SULT2B1: variants seen among roughly 807,000 people sequenced by gnomAD.
SULT2B1 encodes sulfotransferase family 2B member 1, also known as sulfotransferase 2B1.
SULT2B1 carries 16 observed loss-of-function variants against 33.2 expected under a neutral mutation model. That is an observed-to-expected ratio of 0.48 (90% CI 0.33 to 0.73). The LOEUF (loss-of-function observed/expected upper bound fraction) is 0.73, where lower values mean the gene tolerates loss of function less well. Among genes scored for constraint, SULT2B1 ranks in the 30% least tolerant of loss-of-function variants. The probability of loss-of-function intolerance (pLI) is 0.02; values close to 1 mark genes in which losing one functional copy is unlikely to be tolerated. For missense variants in SULT2B1, 500 were observed against 506.0 expected, an observed-to-expected ratio of 0.99 and a Z score of 0.11; for synonymous variants, 186 against 200.5, an observed-to-expected ratio of 0.93 and a Z score of 0.61.
intron 2 of SULT2B1, among the ~76,000 whole-genome samples, chr19:48,581,014 C>T (rs1973478599): frequency 6.8e-6 from 1 of 147,288 alleles, no homozygotes; most frequent in South Asian, 2.1e-4. Flanking sequence ...TGCTCATTAG[C>T]CATCATATAT....
chr19:48,582,728 A>G (rs1973508696), intron 2 of SULT2B1, among the ~76,000 whole-genome samples: 1 of 152,104 alleles, frequency 6.6e-6, no homozygotes. Flanking sequence ...CTGTGGTCCC[A>G]ACTACTCGGA....
At chr19:48,588,507 C>T (rs147249426) in intron 3 of SULT2B1, among the ~76,000 whole-genome samples, 1,633 of 146,906 alleles carry the variant, frequency 0.011, 28 homozygotes, top group African/African-American at 0.04. Flanking sequence ...AGCAAAACTC[C>T]GTCTCAAAAA....
At chr19:48,588,108 G>T (rs986464433) in intron 3 of SULT2B1, among the ~76,000 whole-genome samples, 1 of 151,388 alleles carries the variant, frequency 6.6e-6, no homozygotes, top group Non-Finnish European at 1.5e-5. Context: ...TACTCAGGAG[G>T]CTAAGGCAGG....
At chr19:48,571,287 C>T (rs1198768571) in intron 1 of SULT2B1, among the ~76,000 whole-genome samples, 1 of 151,878 alleles carries the variant, frequency 6.6e-6, no homozygotes, top group East Asian at 1.9e-4. Flanking sequence ...ACCTCTGCCT[C>T]CCGGGTTCAA....
In SULT2B1 at chr19:48,552,657, C is replaced by A. The variant is rs560111449; in HGVS notation, c.71+334C>A. Among the ~76,000 whole-genome samples, 1 of 152,258 alleles carries A rather than the reference C, an allele frequency of 6.6e-6. No homozygotes were observed. Among genetic ancestry groups the A allele is most frequent in the Admixed American group, 6.5e-5 (1 of 15,286 alleles). ...GTGGAAGAGAGCAGGCAGCTTGGTG[C>A]ATAGTAGTTGCTCAGGAAACACAAC... On this transcript the variant is annotated intron_variant, in intron 1 of 6. Coordinates refer to ENST00000201586, the MANE Select transcript of SULT2B1 (RefSeq NM_177973.2). This position sits in a 1 kb window ranked among gnomAD's most constrained non-coding sequence, Gnocchi z 4.8.
intron 1 of SULT2B1, among the ~76,000 whole-genome samples, chr19:48,556,278 C>T (rs915739913): frequency 1.3e-5 from 2 of 152,144 alleles, no homozygotes; most frequent in African/African-American, 2.4e-5. Context: ...TTCAAATCTG[C>T]CCCGTGGCAC....
chr19:48,595,313 G>A (rs1013014960), intron 5 of SULT2B1, among the ~76,000 whole-genome samples: 7 of 151,166 alleles, frequency 4.6e-5, no homozygotes, highest in Non-Finnish European at 7.4e-5. Context: ...CACAGGGGAG[G>A]ACTAAGGGCT....
At chr19:48,561,297 A>G (rs184581775) in intron 1 of SULT2B1, among the ~76,000 whole-genome samples, 54 of 150,650 alleles carry the variant, frequency 3.6e-4, no homozygotes, top group South Asian at 6.3e-4. Context: ...TCGTGGTGGC[A>G]CATGCCTGTA....
Position 48,552,256 on chromosome 19 carries a change from G to A in SULT2B1, c.4G>A (p.Asp2Asn), listed in dbSNP as rs970881383. Residue 2 changes from aspartate to asparagine, a missense_variant, in exon 1 of 7, where the codon GAC (aspartate) becomes AAC (asparagine). Asp to Asn is a conservative substitution (Grantham distance 23). Coordinates refer to ENST00000201586, the MANE Select transcript of SULT2B1 (RefSeq NM_177973.2). The surrounding 1 kb of genome is among the most constrained non-coding windows in gnomAD (Gnocchi z 4.8). The stretch of plus-strand genomic sequence containing the variant: ...TCCCCACCCTCACCCACCTGCCATG[G>A]ACGGGCCCGCCGAGCCCCAGATCCC... M[D>N]GPAEPQIPGL... 3 of 1,613,776 alleles carry A rather than the reference G, an allele frequency of 1.9e-6. No homozygotes were observed. Among genetic ancestry groups the A allele is most frequent in the South Asian group, 1.1e-5 (1 of 91,060 alleles).
At chr19:48,594,957 G>C (rs1973691068) in intron 5 of SULT2B1, among the ~76,000 whole-genome samples, 1 of 151,938 alleles carries the variant, frequency 6.6e-6, no homozygotes, top group Non-Finnish European at 1.5e-5. Context: ...AGGAGGTGGA[G>C]GTTGCAGTAA....
rs370064077 is a variant in SULT2B1 at position 48,596,834 on chromosome 19, C to T, written c.741C>T (p.Ser247=). The change falls in exon 6 of 7, where the codon AGC becomes AGT. Residue 247 remains serine (S), a synonymous_variant. Coordinates refer to ENST00000201586, the MANE Select transcript of SULT2B1 (RefSeq NM_177973.2). ...LGSVVAHSTF[S]AMKANTMSNY... The stretch of plus-strand genomic sequence containing the variant: ...CCGTCGTGGCACACTCAACCTTCAG[C>T]GCCATGAAGGCCAACACCATGTCCA... The T allele has an allele frequency of 8.1e-6, 13 of 1,609,590 alleles. No individual in the cohort carries two copies. The African/African-American group carries it at 9.3e-5, about 12-fold the overall frequency.
chr19:48,558,553 G>A (rs1026910499), intron 1 of SULT2B1, among the ~76,000 whole-genome samples: 2 of 152,160 alleles, frequency 1.3e-5, no homozygotes, highest in South Asian at 2.1e-4. Context: ...GGGAGGGCGA[G>A]GAGGGGCCAG....
Position 48,558,674 on chromosome 19 carries a change from CTTTTCTTT to C in SULT2B1, c.71+6356_71+6363del, listed in dbSNP as rs1438234687. ...GAGGCTGCTTTTTCTTTTTTCTTTT[CTTTTCTTT>C]TTTTTTTTTTTTTTTTTTTGAGACA... On this transcript the variant is annotated intron_variant, in intron 1 of 6. Transcript: ENST00000201586. Among the ~76,000 whole-genome samples, 10 of 133,260 alleles carry C rather than the reference CTTTTCTTT, an allele frequency of 7.5e-5. No homozygotes were observed. In the East Asian group the frequency reaches 1.5e-3, roughly 20 times the overall value. The allele number at this position is 133,260 out of a possible 152,430, so 87.4% of individuals were successfully genotyped here.
intron 1 of SULT2B1, among the ~76,000 whole-genome samples, chr19:48,565,314 T>C (rs562804548): frequency 2.6e-5 from 4 of 152,080 alleles, no homozygotes; most frequent in African/African-American, 7.2e-5. Context: ...TATTAACTAC[T>C]TCAGTATTTG....
At position 48,568,990 on chromosome 19, in the gene SULT2B1, C is replaced by T. The variant is rs150691134; in HGVS notation, c.72-6951C>T. ...CGAGTTCCCAGAGGGGCCTCCCTGA[C>T]GCCACCGTTCTAGCAGCATTTAGCA... On this transcript the variant is annotated intron_variant, in intron 1 of 6. Transcript: ENST00000201586. Among the ~76,000 whole-genome samples the T allele has an allele frequency of 1.2e-3, 179 of 152,276 alleles. 2 individuals carry two copies. The highest frequency in any genetic ancestry group is 4.2e-3 in the African/African-American group (174 of 41,562).
chr19:48,552,981 C>A lies in SULT2B1; in HGVS notation c.71+658C>A, dbSNP rs193038919. Reference sequence around the variant, plus strand: ...AGGCTGGGAGGGAACGCGACATGACCGCAATTACGCAGCTAGAAGCAAATC... The same window carrying A: ...AGGCTGGGAGGGAACGCGACATGACAGCAATTACGCAGCTAGAAGCAAATC... On this transcript the variant is annotated intron_variant, in intron 1 of 6. Coordinates refer to ENST00000201586, the MANE Select transcript of SULT2B1 (RefSeq NM_177973.2). This position sits in a 1 kb window ranked among gnomAD's most constrained non-coding sequence, Gnocchi z 4.8. Among the ~76,000 whole-genome samples the A allele has an allele frequency of 1.3e-5, 2 of 152,220 alleles. No individual in the cohort carries two copies. The highest frequency in any genetic ancestry group is 4.8e-5 in the African/African-American group (2 of 41,550).
intron 1 of SULT2B1, among the ~76,000 whole-genome samples, chr19:48,565,564 G>C (rs1973233889): frequency 6.6e-6 from 1 of 151,994 alleles, no homozygotes; most frequent in Admixed American, 6.6e-5. Flanking sequence ...ATTTTTAGTA[G>C]AGATGGGGTT....
intron 1 of SULT2B1, among the ~76,000 whole-genome samples, chr19:48,571,859 G>C (rs1336394171): frequency 6.6e-6 from 1 of 152,014 alleles, no homozygotes; most frequent in Admixed American, 6.6e-5. Flanking sequence ...GTGACATTTG[G>C]AACAAAGACT....
At chr19:48,555,549 C>CTCT (rs1555730907) in intron 1 of SULT2B1, among the ~76,000 whole-genome samples, 7 of 124,112 alleles carry the variant, frequency 5.6e-5, no homozygotes, top group Admixed American at 8.2e-5. Flanking sequence ...CCAGAGACAT[C>CTCT]CTCTCTCTCT....
Sources: gnomAD v4.1 joint callset for allele counts (sites outside exome capture counted in the v4.1 genomes callset) on GRCh38, gnomAD v4.1.1 for gene constraint, Gnocchi (gnomAD v3.1) non-coding constraint, MANE v1.5 for transcripts, NCBI Gene and HGNC (gene_info 2026-07-23, HGNC 2026-07-21) for gene names.